The following VWA3B variants were observed in gnomAD, a reference collection of about 807,000 sequenced individuals.
VWA3B encodes the protein von Willebrand factor A domain-containing protein 3B.
Under a neutral mutation model 158.3 loss-of-function variants are expected in VWA3B, and 138 were observed. That is an observed-to-expected ratio of 0.87 (90% CI 0.76 to 1.00). The LOEUF (loss-of-function observed/expected upper bound fraction) is 1.00. Among genes scored for constraint, VWA3B ranks in the 50% least tolerant of loss-of-function variants. VWA3B has a pLI of 0.00. For synonymous variants in VWA3B, 596 were observed against 587.3 expected (o/e 1.01, Z -0.21); for missense variants, 1,555 against 1,565.1 (o/e 0.99, Z 0.11).
intron 24 of VWA3B, among the ~76,000 whole-genome samples, chr2:98,298,545 C>T (rs568058429): frequency 2.6e-5 from 4 of 152,164 alleles, no homozygotes; most frequent in Non-Finnish European, 5.9e-5. Context: ...TTCCTTGGCA[C>T]TGTAATCAGC....
At chr2:98,316,370 C>T (rs763735349), downstream of VWA3B, among the ~76,000 whole-genome samples, 11 of 152,230 alleles carry the variant, frequency 7.2e-5, no homozygotes, top group South Asian at 2.1e-4. Context: ...TGGCTGGGCG[C>T]GGTGGCTCAT....
intron 16 of VWA3B, among the ~76,000 whole-genome samples, chr2:98,232,465 G>C (rs529739941): frequency 6.6e-6 from 1 of 152,000 alleles, no homozygotes; most frequent in Admixed American, 6.5e-5. Context: ...ACTTTTATGG[G>C]TAGCCTCTTT....
At chr2:98,312,176 T>G (rs866921257) in intron 27 of VWA3B, 24 bp from the exon 28 acceptor site, 1 of 1,614,168 alleles carries the variant, frequency 6.2e-7, no homozygotes, top group African/African-American at 1.3e-5. Context: ...CATCCTTAAG[T>G]AATGCTGAAC....
Position 98,230,058 on chromosome 2 carries a change from A to G in VWA3B, c.2159A>G (p.Lys720Arg), listed in dbSNP as rs779762221. The change falls in exon 16 of 28, where the codon AAG (lysine) becomes AGG (arginine). Residue 720 changes from lysine (K) to arginine (R), a missense_variant. Coordinates refer to ENST00000477737, the MANE Select transcript of VWA3B (RefSeq NM_144992.5). ...TATCTAAATCAAAACAGGCATCAAAAGGAAATCTGTTCTATGATTTCAACC... is the reference window on the plus strand; with the variant it reads ...TATCTAAATCAAAACAGGCATCAAAGGGAAATCTGTTCTATGATTTCAACC... ...AEKDGDSKHQKEICSMISTPE... is the reference protein window; with the variant it reads ...AEKDGDSKHQREICSMISTPE... The G allele has an allele frequency of 1.3e-6, 2 of 1,570,598 alleles. No homozygotes were observed. The highest frequency in any genetic ancestry group is 8.6e-7 in the Non-Finnish European group (1 of 1,167,300).
At chr2:98,319,876 T>TCACACACACACA in the VWA3B span, among the ~76,000 whole-genome samples, 53 of 147,430 alleles carry the variant, frequency 3.6e-4, no homozygotes, top group East Asian at 1.4e-3. Flanking sequence ...TGAGACTCCA[T>TCACACACACACA]CACACACACA....
At chr2:98,142,980 A>G (rs1397678466) in intron 7 of VWA3B, among the ~76,000 whole-genome samples, 1 of 152,178 alleles carries the variant, frequency 6.6e-6, no homozygotes, top group Admixed American at 6.5e-5. Flanking sequence ...CACGTTAACA[A>G]TTTTAAATTT....
chr2:98,218,126 T>C, intron 14 of VWA3B, 98 bp downstream of exon 14: 2 of 1,306,332 alleles, frequency 1.5e-6, no homozygotes, highest in Non-Finnish European at 2.1e-6. Context: ...ATAGCAACCA[T>C]AGAGATAACT....
At chr2:98,217,724 C>A in intron 13 of VWA3B, 122 bp from the exon 14 acceptor site, 1 of 865,926 alleles carries the variant, frequency 1.2e-6, no homozygotes, top group Non-Finnish European at 1.6e-6. Context: ...TAAGAAGCCA[C>A]TCACCACTGT....
rs777936308 is a variant in VWA3B, at chr2:98,159,964, C to T, written c.989-2887C>T. Among the ~76,000 whole-genome samples the T allele has an allele frequency of 4.4e-4, 66 of 150,372 alleles. 1 individual carries two copies. The highest frequency in any genetic ancestry group is 5.3e-4 in the Non-Finnish European group (36 of 67,776). On this transcript the variant is annotated intron_variant, in intron 7 of 27. Coordinates refer to ENST00000477737, the MANE Select transcript of VWA3B (RefSeq NM_144992.5). ...GGCAGAGGTTGCAGTGAGCCTAGAT[C>T]GTGCTACTGCACTCCAGCCTGGGCG...
intron 13 of VWA3B, among the ~76,000 whole-genome samples, chr2:98,214,952 C>T (rs1046043654): frequency 2.6e-5 from 4 of 152,168 alleles, no homozygotes; most frequent in African/African-American, 7.2e-5. Flanking sequence ...GAGGATGTCA[C>T]AAGCAACATT....
At chr2:98,259,517 T>C (rs1160112017) in intron 21 of VWA3B, among the ~76,000 whole-genome samples, 4 of 151,776 alleles carry the variant, frequency 2.6e-5, no homozygotes, top group Non-Finnish European at 5.9e-5. Context: ...CTAGATTATC[T>C]ATTTTTGGCA....
chr2:98,207,297 C>A, intron 12 of VWA3B: 1 of 490,580 alleles, frequency 2.0e-6, no homozygotes, highest in South Asian at 1.6e-5. Flanking sequence ...CTGTGCTGCC[C>A]CATGCTGTCA....
rs545272810 is a variant in VWA3B, at chr2:98,089,069, C to T, written c.-33+1706C>T. On this transcript the variant is annotated intron_variant, in intron 1 of 27. Transcript: ENST00000477737. Reference sequence around the variant, plus strand: ...AGGGGGCATTACAGGAGTGAGCCACCGTGCCCGGCCAATATATCCCTTTTT... The same window carrying T: ...AGGGGGCATTACAGGAGTGAGCCACTGTGCCCGGCCAATATATCCCTTTTT... 5.3e-5 allele frequency among the ~76,000 whole-genome samples: 8 copies of T among 152,158 alleles called. No individual in the cohort carries two copies. The South Asian group carries it at 6.2e-4, about 12-fold the overall frequency.
At chr2:98,140,748 C>T (rs1464199777) in intron 7 of VWA3B, among the ~76,000 whole-genome samples, 3 of 152,078 alleles carry the variant, frequency 2.0e-5, no homozygotes, top group Admixed American at 6.5e-5. Flanking sequence ...TGTTAATAAG[C>T]GTGGATTTTC....
At chr2:98,316,614 C>A (rs370282968), downstream of VWA3B, among the ~76,000 whole-genome samples, 18 of 150,684 alleles carry the variant, frequency 1.2e-4, no homozygotes, top group African/African-American at 3.9e-4. Flanking sequence ...GCCACTGTAC[C>A]CCAGCGTGGG....
At chr2:98,221,951 G>A (rs1027508181) in intron 14 of VWA3B, among the ~76,000 whole-genome samples, 1 of 152,150 alleles carries the variant, frequency 6.6e-6, no homozygotes, top group African/African-American at 2.4e-5. Flanking sequence ...GAAAAAAGAA[G>A]CAAGCTGGGG....
At chr2:98,156,574 C>G (rs973369900) in intron 7 of VWA3B, among the ~76,000 whole-genome samples, 2 of 152,024 alleles carry the variant, frequency 1.3e-5, no homozygotes, top group African/African-American at 4.8e-5. Context: ...AGCAGCCCTG[C>G]CACCGTCTTT....
intron 21 of VWA3B, among the ~76,000 whole-genome samples, chr2:98,259,846 T>C (rs1687374974): frequency 6.6e-6 from 1 of 151,722 alleles, no homozygotes; most frequent in Non-Finnish European, 1.5e-5. Flanking sequence ...ATTTGAGAGC[T>C]ATCTTTTAAT....
intron 19 of VWA3B, among the ~76,000 whole-genome samples, chr2:98,247,997 C>T (rs1427173256): frequency 6.6e-6 from 1 of 151,968 alleles, no homozygotes; most frequent in Non-Finnish European, 1.5e-5. Context: ...CTATCTATCA[C>T]CCAGTTCACC....
Sources: allele counts gnomAD v4.1 joint callset (sites outside exome capture counted in the v4.1 genomes callset), GRCh38; gene constraint gnomAD v4.1.1; transcripts MANE v1.5; gene names NCBI Gene and HGNC (gene_info 2026-07-23, HGNC 2026-07-21).